The following MTMR7 variants were observed in gnomAD, a reference collection of about 807,000 sequenced individuals.
MTMR7 encodes phosphatidylinositol-3-phosphate phosphatase MTMR7.
MTMR7 carries 76 observed loss-of-function variants against 81.2 expected under a neutral mutation model. The ratio of observed to expected loss-of-function variants is 0.94; its 90% CI spans 0.78 to 1.13. MTMR7 has a LOEUF of 1.13. Among genes scored for constraint, MTMR7 ranks in the 50% most tolerant of loss-of-function variants. MTMR7 has a pLI of 0.00. For synonymous variants in MTMR7, 372 were observed against 289.8 expected (o/e 1.28, Z -2.88); for missense variants, 1,044 against 820.0 (o/e 1.27, Z -3.34).
At position 17,378,638 on chromosome 8, in the gene MTMR7, C is replaced by T. The variant is rs192824528; in HGVS notation, c.25-5398G>A. On this transcript the variant is annotated intron_variant, in intron 1 of 13. Transcript: ENST00000180173. ...CCAGGAGCACTATGCTTAAGACATA[C>T]GAGGTATTCATACTCTGAAAAAGGC... 2.9e-4 allele frequency among the ~76,000 whole-genome samples: 44 copies of T among 152,240 alleles called. No individual in the cohort carries two copies. The East Asian group carries it at 6.7e-3, about 23-fold the overall frequency.
At chr8:17,303,629 G>A (rs1002118066) in intron 12 of MTMR7, among the ~76,000 whole-genome samples, 2 of 139,272 alleles carry the variant, frequency 1.4e-5, no homozygotes, top group African/African-American at 5.5e-5. Flanking sequence ...TTTTTTTTGA[G>A]ATGGAGTTTT....
At chr8:17,401,161 A>G (rs1282005989) in intron 1 of MTMR7, among the ~76,000 whole-genome samples, 1 of 152,090 alleles carries the variant, frequency 6.6e-6, no homozygotes, top group Non-Finnish European at 1.5e-5. Context: ...TGCTATGGAG[A>G]AAAATATAAA....
At chr8:17,356,407 A>C (rs1211401868) in intron 4 of MTMR7, among the ~76,000 whole-genome samples, 1 of 152,156 alleles carries the variant, frequency 6.6e-6, no homozygotes, top group Admixed American at 6.6e-5. Context: ...GCTTCAAAAA[A>C]ATAACCTTGG....
intron 7 of MTMR7, among the ~76,000 whole-genome samples, chr8:17,321,758 G>A (rs1251577177): frequency 6.6e-6 from 1 of 152,190 alleles, no homozygotes; most frequent in East Asian, 1.9e-4. Context: ...ACAAATTGCA[G>A]AGAATGGGGC....
chr8:17,384,082 G>A (rs1820850291), intron 1 of MTMR7, among the ~76,000 whole-genome samples: 1 of 152,054 alleles, frequency 6.6e-6, no homozygotes, highest in South Asian at 2.1e-4. Flanking sequence ...TGTGAGAGAG[G>A]GGAAAAAAGC....
chr8:17,353,889 G>A (rs1043659642), intron 4 of MTMR7, among the ~76,000 whole-genome samples: 1 of 152,162 alleles, frequency 6.6e-6, no homozygotes, highest in Non-Finnish European at 1.5e-5. Context: ...CATTCAACAA[G>A]CTTTTACTGA....
intron 1 of MTMR7, among the ~76,000 whole-genome samples, chr8:17,409,542 T>G (rs535859185): frequency 2.6e-5 from 4 of 152,354 alleles, no homozygotes; most frequent in African/African-American, 7.2e-5. Flanking sequence ...ATTTACTGCA[T>G]GCTTAGTTGG....
intron 1 of MTMR7, among the ~76,000 whole-genome samples, chr8:17,386,191 T>G (rs1354908548): frequency 1.3e-5 from 2 of 152,022 alleles, no homozygotes; most frequent in Non-Finnish European, 2.9e-5. Flanking sequence ...GTCCAGATCA[T>G]GCAGTGAGAC....
intron 1 of MTMR7, among the ~76,000 whole-genome samples, chr8:17,392,807 A>C (rs1821145543): frequency 6.6e-6 from 1 of 152,258 alleles, no homozygotes; most frequent in Non-Finnish European, 1.5e-5. Context: ...GAGTAGGTCA[A>C]ATGAAATGTT....
chr8:17,403,995 A>G (rs1189651885), intron 1 of MTMR7, among the ~76,000 whole-genome samples: 2 of 152,160 alleles, frequency 1.3e-5, no homozygotes, highest in Non-Finnish European at 2.9e-5. Flanking sequence ...TTTTCCAAAT[A>G]TAAGATCATA....
At chr8:17,384,364 T>C (rs1014133858) in intron 1 of MTMR7, among the ~76,000 whole-genome samples, 4 of 152,154 alleles carry the variant, frequency 2.6e-5, no homozygotes, top group Non-Finnish European at 5.9e-5. Flanking sequence ...TCAGACATGA[T>C]CGTGCCACTG....
intron 10 of MTMR7, 48 bp downstream of exon 10, chr8:17,309,229 A>G (rs1218292946): frequency 3.3e-6 from 4 of 1,217,088 alleles, no homozygotes; most frequent in Non-Finnish European, 3.6e-6. Context: ...ATTTTCAGAA[A>G]CAGTGCTTTT....
chr8:17,412,581 C>A (rs562805493), intron 1 of MTMR7, among the ~76,000 whole-genome samples: 1 of 152,276 alleles, frequency 6.6e-6, no homozygotes, highest in South Asian at 2.1e-4. Flanking sequence ...GATCAGGGAC[C>A]ATTTGCTTTT....
At chr8:17,388,030 G>C (rs1016349382) in intron 1 of MTMR7, among the ~76,000 whole-genome samples, 2 of 152,190 alleles carry the variant, frequency 1.3e-5, no homozygotes, top group African/African-American at 4.8e-5. Context: ...AGAAGTAAGA[G>C]TGATAGAAAT....
At chr8:17,366,657 C>G (rs1342127039) in intron 3 of MTMR7, among the ~76,000 whole-genome samples, 2 of 151,938 alleles carry the variant, frequency 1.3e-5, no homozygotes, top group Non-Finnish European at 2.9e-5. Context: ...GAGGCCGAGG[C>G]GGGCGGATCA....
chr8:17,369,392 T>C (rs1050992690), intron 3 of MTMR7, among the ~76,000 whole-genome samples: 2 of 152,228 alleles, frequency 1.3e-5, no homozygotes, highest in African/African-American at 4.8e-5. Flanking sequence ...ATTTAGTAAC[T>C]TTAGCTCTTA....
chr8:17,301,546 G>C (rs1391360195), intron 13 of MTMR7: 1 of 152,214 alleles, frequency 6.6e-6, no homozygotes, highest in Non-Finnish European at 1.5e-5. Context: ...AAGGAATTTT[G>C]ACTTTGTAAT....
At chr8:17,403,008 C>T (rs972968669) in intron 1 of MTMR7, among the ~76,000 whole-genome samples, 7 of 152,158 alleles carry the variant, frequency 4.6e-5, no homozygotes, top group African/African-American at 1.7e-4. Flanking sequence ...TGATGTTGAG[C>T]ACCTTTTCAT....
At chr8:17,334,680 C>G (rs896279212) in intron 6 of MTMR7, among the ~76,000 whole-genome samples, 3 of 152,194 alleles carry the variant, frequency 2.0e-5, no homozygotes, top group Non-Finnish European at 4.4e-5. Context: ...AGAAGCTGTT[C>G]CTGTTGCCTT....
Sources: gnomAD v4.1 joint callset for allele counts (sites outside exome capture counted in the v4.1 genomes callset) on GRCh38, gnomAD v4.1.1 for gene constraint, MANE v1.5 for transcripts, NCBI Gene and HGNC (gene_info 2026-07-23, HGNC 2026-07-21) for gene names.